The following AHCTF1 variants were observed in gnomAD, a reference collection of about 807,000 sequenced individuals.
AHCTF1 encodes AT-hook containing transcription factor 1, also known as protein ELYS.
A neutral mutation model predicts 248.4 loss-of-function variants in AHCTF1; 24 were observed. The observed-to-expected ratio is 0.10, with a 90% CI of 0.07 to 0.14. The LOEUF (loss-of-function observed/expected upper bound fraction) is 0.14, where lower values mean the gene tolerates loss of function less well. AHCTF1 is among the 10% of genes least tolerant of loss of function. The pLI is 1.00. For missense variants in AHCTF1, 2,206 were observed against 2,636.2 expected (o/e 0.84, Z 3.57); for synonymous variants, 786 against 929.8 (o/e 0.85, Z 2.81).
intron 3 of AHCTF1, among the ~76,000 whole-genome samples, chr1:246,914,456 A>C (rs1666010326): frequency 6.6e-6 from 1 of 152,244 alleles, no homozygotes; most frequent in South Asian, 2.1e-4. Context: ...TCTCTATATC[A>C]GTATACAAAA....
intron 1 of AHCTF1, among the ~76,000 whole-genome samples, chr1:246,929,167 G>A (rs1667149579): frequency 6.6e-6 from 1 of 152,166 alleles, no homozygotes. Context: ...CCAGCACTTT[G>A]GTTGGCCGAG....
intron 4 of AHCTF1, among the ~76,000 whole-genome samples, chr1:246,909,203 A>G (rs950157808): frequency 6.8e-6 from 1 of 147,630 alleles, no homozygotes; most frequent in Non-Finnish European, 1.5e-5. Flanking sequence ...TGAAGTCAGG[A>G]GTTCAAGACC....
At chr1:246,927,132 C>T (rs1385595360) in intron 1 of AHCTF1, among the ~76,000 whole-genome samples, 5 of 150,488 alleles carry the variant, frequency 3.3e-5, no homozygotes, top group Admixed American at 2.6e-4. Flanking sequence ...GAGCCAAGAT[C>T]GTGCCACTGC....
chr1:246,916,664 A>G (rs571048327), intron 2 of AHCTF1, among the ~76,000 whole-genome samples: 14 of 152,164 alleles, frequency 9.2e-5, no homozygotes, highest in Non-Finnish European at 1.6e-4. Context: ...AAATAATAAT[A>G]ATAATAGTCA....
Position 246,900,138 on chromosome 1 carries a change from T to C in AHCTF1, c.1359A>G (p.Arg453=), listed in dbSNP as rs557999988. Residue 453 remains arginine, a synonymous_variant, in exon 10 of 36, where the codon AGA becomes AGG. Transcript: ENST00000648844. ...HGILDILVHE[R]SLNRGVPPSY... is the part of the protein sequence containing the mutation. ...AAGGAGGGACTCCTCTATTTAAACT[T>C]CTCTCATGTACTAATATATCCAAGA... is the stretch of plus-strand genomic sequence containing the variant. 3.7e-6 allele frequency: 6 copies of C among 1,610,166 alleles called. No homozygotes were observed. The highest frequency in any genetic ancestry group is 5.1e-6 in the Non-Finnish European group (6 of 1,179,324).
intron 35 of AHCTF1, among the ~76,000 whole-genome samples, chr1:246,842,401 A>G (rs1179044615): frequency 6.6e-6 from 1 of 151,814 alleles, no homozygotes; most frequent in African/African-American, 2.4e-5. Context: ...GGCCAACATG[A>G]TAAAATGCCG....
intron 24 of AHCTF1, among the ~76,000 whole-genome samples, chr1:246,869,744 C>T (rs1420058111): frequency 6.6e-6 from 1 of 152,082 alleles, no homozygotes; most frequent in African/African-American, 2.4e-5. Context: ...AATATTACTG[C>T]TCACTGATAA....
Position 246,913,192 on chromosome 1 carries a change from C to T in AHCTF1, c.556+40G>A, listed in dbSNP as rs371304548. 3.4e-6 allele frequency: 5 copies of T among 1,482,178 alleles called. No individual in the cohort carries two copies. The African/African-American group carries it at 7.1e-5, about 21-fold the overall frequency. The allele number at this position is 1,482,178 out of a possible 1,614,324, so 91.8% of individuals were successfully genotyped here. A position where few individuals can be genotyped will look rare whatever the true frequency, so the allele number is the denominator to read the frequency against. ...TTAAAAAATATTGCATCAGAATATC[C>T]AGGTGCTCCATTTTTGGTTTCAAGT... On this transcript the variant is annotated intron_variant, in intron 4 of 35. Transcript: ENST00000648844.
chr1:246,840,923 A>T lies in AHCTF1; in HGVS notation c.6684T>A (p.Ala2228=). The change falls in exon 36 of 36, where the codon GCT becomes GCA. Residue 2228 remains alanine (A), a synonymous_variant. Transcript: ENST00000648844. ...TTCTTGGTTTGCTCTTGACTCCGTC[A>T]GCTGGGCTAGCCAAGGGGGAAATCA... ...IRLISPLASP[A]DGVKSKPRKT... 6.2e-7 allele frequency: 1 copy of T among 1,613,270 alleles called. No individual in the cohort carries two copies. The highest frequency in any genetic ancestry group is 8.5e-7 in the Non-Finnish European group (1 of 1,179,574).
intron 12 of AHCTF1, among the ~76,000 whole-genome samples, chr1:246,896,200 T>A (rs1664561111): frequency 6.6e-6 from 1 of 151,930 alleles, no homozygotes; most frequent in Admixed American, 6.6e-5. Flanking sequence ...CACACGACCC[T>A]CCAATTCCAC....
intron 6 of AHCTF1, among the ~76,000 whole-genome samples, chr1:246,904,418 G>A (rs1235548232): frequency 6.6e-6 from 1 of 152,152 alleles, no homozygotes; most frequent in African/African-American, 2.4e-5. Flanking sequence ...TGGTAAAGTT[G>A]TGGCCAGGAT....
intron 28 of AHCTF1, 41 bp downstream of exon 28, chr1:246,861,918 T>C (rs372654933): frequency 3.3e-6 from 5 of 1,527,516 alleles, no homozygotes; most frequent in Non-Finnish European, 3.6e-6. Context: ...AATACATTCT[T>C]ATTAAAAAAT....
intron 14 of AHCTF1, among the ~76,000 whole-genome samples, chr1:246,894,197 T>C (rs563467098): frequency 4.7e-4 from 71 of 152,122 alleles, no homozygotes; most frequent in African/African-American, 1.6e-3. Context: ...AGTGAGACCA[T>C]GTCTCAAAAA....
intron 6 of AHCTF1, among the ~76,000 whole-genome samples, 155 bp from the exon 7 acceptor site, chr1:246,904,188 G>A (rs1196712744): frequency 7.4e-6 from 1 of 134,270 alleles, no homozygotes; most frequent in Non-Finnish European, 1.6e-5. Flanking sequence ...TTATAAAAAT[G>A]TAGTCCTTTG....
intron 2 of AHCTF1, among the ~76,000 whole-genome samples, 161 bp from the exon 3 acceptor site, chr1:246,916,556 T>C (rs913968982): frequency 1.3e-5 from 2 of 152,174 alleles, no homozygotes; most frequent in Non-Finnish European, 2.9e-5. Flanking sequence ...ACAATAATAA[T>C]AGTCATTCAG....
rs1491155933 is a variant in AHCTF1 at position 246,878,396 on chromosome 1, C to CCAA, written c.2661-1095_2661-1094insTTG. On this transcript the variant is annotated intron_variant, in intron 21 of 35. Transcript: ENST00000648844. ...TGGCAGACAGAGCAAGATTCTGTCT[C>CCAA]AAAAAAAAAAAAAAAAAAAAAAAAA... is the stretch of plus-strand genomic sequence containing the variant. Among the ~76,000 whole-genome samples, 16 of 30,778 alleles carry CCAA rather than the reference C, an allele frequency of 5.2e-4. 1 individual carries two copies. The highest frequency in any genetic ancestry group is 1.8e-3 in the African/African-American group (15 of 8,192). 20.2% of individuals were successfully genotyped at this position (30,778 alleles called of 152,430 possible). A position where few individuals can be genotyped will look rare whatever the true frequency, so the allele number is the denominator to read the frequency against.
chr1:246,844,341 T>C (rs943674003), intron 33 of AHCTF1, among the ~76,000 whole-genome samples: 1 of 152,228 alleles, frequency 6.6e-6, no homozygotes, highest in Non-Finnish European at 1.5e-5. Context: ...AGTAGGTTTT[T>C]TATTTTCAAA....
At chr1:246,909,520 C>T (rs866992161) in intron 4 of AHCTF1, among the ~76,000 whole-genome samples, 19 of 152,020 alleles carry the variant, frequency 1.2e-4, no homozygotes, top group Middle Eastern at 3.4e-3. Context: ...ATAAGCCACC[C>T]TTAGTAGCCA....
At chr1:246,844,935 G>A (rs964909788) in intron 33 of AHCTF1, among the ~76,000 whole-genome samples, 2 of 151,796 alleles carry the variant, frequency 1.3e-5, no homozygotes, top group Admixed American at 1.3e-4. Context: ...TGTGAGACCA[G>A]AATCAAGTAA....
Sources: gnomAD v4.1 joint callset for allele counts (sites outside exome capture counted in the v4.1 genomes callset) on GRCh38, gnomAD v4.1.1 for gene constraint, MANE v1.5 for transcripts, NCBI Gene and HGNC (gene_info 2026-07-23, HGNC 2026-07-21) for gene names.